The following NAALADL2 variants were observed in gnomAD, a reference collection of about 807,000 sequenced individuals.
NAALADL2 encodes N-acetylated alpha-linked acidic dipeptidase like 2, also known as inactive N-acetylated-alpha-linked acidic dipeptidase-like protein 2.
NAALADL2 carries 76 observed loss-of-function variants against 87.2 expected under a neutral mutation model. The observed-to-expected ratio is 0.87, with a 90% CI of 0.72 to 1.05. The LOEUF is 1.05. Ranked by LOEUF, NAALADL2 falls within the 50% of genes least tolerant of loss-of-function variation. The pLI, the probability that NAALADL2 is intolerant of heterozygous loss-of-function variation, is 0.00. For missense variants in NAALADL2, 1,089 were observed against 945.8 expected, an observed-to-expected ratio of 1.15 and a Z score of -1.99; for synonymous variants, 354 against 331.0, an observed-to-expected ratio of 1.07 and a Z score of -0.75.
chr3:174,541,499 A>G (rs1482662076), intron 1 of NAALADL2, among the ~76,000 whole-genome samples: 3 of 152,226 alleles, frequency 2.0e-5, no homozygotes, highest in African/African-American at 4.8e-5. Flanking sequence ...TATAAGTAAC[A>G]CATATTGAAT....
intron 8 of NAALADL2, among the ~76,000 whole-genome samples, chr3:175,468,859 T>G (rs975425460): frequency 6.6e-6 from 1 of 152,062 alleles, no homozygotes; most frequent in Non-Finnish European, 1.5e-5. Context: ...CGATAGTTTT[T>G]GTCAAAGTAA....
At chr3:175,739,369 G>A (rs950912433) in intron 12 of NAALADL2, among the ~76,000 whole-genome samples, 7 of 152,054 alleles carry the variant, frequency 4.6e-5, no homozygotes, top group Non-Finnish European at 8.8e-5. Flanking sequence ...CATTTCAATT[G>A]TCTGACATAA....
chr3:174,571,127 A>G (rs948578975), intron 2 of NAALADL2, among the ~76,000 whole-genome samples: 1 of 152,152 alleles, frequency 6.6e-6, no homozygotes, highest in African/African-American at 2.4e-5. Flanking sequence ...ACATCTCTGA[A>G]TAGCAAGGAA....
chr3:175,327,561 G>T (rs1363906332), intron 5 of NAALADL2, among the ~76,000 whole-genome samples: 2 of 152,030 alleles, frequency 1.3e-5, no homozygotes, highest in Non-Finnish European at 2.9e-5. Flanking sequence ...GCACACATAC[G>T]TATAGGAGAA....
chr3:174,609,282 C>T (rs147910054), intron 2 of NAALADL2, among the ~76,000 whole-genome samples: 1 of 151,936 alleles, frequency 6.6e-6, no homozygotes, highest in African/African-American at 2.4e-5. Flanking sequence ...CTCACCACTC[C>T]TATTCAACAT....
intron 3 of NAALADL2, among the ~76,000 whole-genome samples, chr3:174,801,676 G>A (rs1311739338): frequency 6.6e-6 from 1 of 151,788 alleles, no homozygotes; most frequent in African/African-American, 2.4e-5. Flanking sequence ...TTCTATTCCT[G>A]GTATTTTGAG....
At chr3:175,610,627 A>C (rs1477534945) in intron 10 of NAALADL2, among the ~76,000 whole-genome samples, 4 of 152,144 alleles carry the variant, frequency 2.6e-5, no homozygotes, top group African/African-American at 7.2e-5. Context: ...TTTTTGAGCC[A>C]TAAAGCCATC....
At chr3:175,132,411 C>A (rs868071122) in intron 2 of NAALADL2, among the ~76,000 whole-genome samples, 1 of 53,314 alleles carries the variant, frequency 1.9e-5, no homozygotes, top group Admixed American at 1.7e-4. Context: ...CTCACCTCCC[C>A]GACGGGTCTG....
intron 3 of NAALADL2, among the ~76,000 whole-genome samples, chr3:174,809,688 AGAT>A (rs1719935603): frequency 6.6e-6 from 1 of 152,142 alleles, no homozygotes; most frequent in Non-Finnish European, 1.5e-5. Flanking sequence ...GATGGTAAAT[AGAT>A]GATATTTAAG....
chr3:174,540,752 A>G (rs984365312), intron 1 of NAALADL2: 3 of 152,200 alleles, frequency 2.0e-5, no homozygotes, highest in African/African-American at 7.2e-5. Context: ...AGGGACTGGG[A>G]CAAAAGCAGT....
intron 2 of NAALADL2, among the ~76,000 whole-genome samples, chr3:174,706,534 T>C (rs1730083845): frequency 1.3e-5 from 2 of 152,334 alleles, no homozygotes; most frequent in South Asian, 4.1e-4. Flanking sequence ...TTCTGGATAT[T>C]AGCCCTTCGT....
chr3:174,981,691 C>A (rs139915679), intron 1 of NAALADL2, among the ~76,000 whole-genome samples: 2 of 152,106 alleles, frequency 1.3e-5, no homozygotes, highest in Non-Finnish European at 2.9e-5. Context: ...CCCAAAATGA[C>A]CATGACTTAA....
intron 1 of NAALADL2, among the ~76,000 whole-genome samples, chr3:174,519,485 C>T (rs1022202844): frequency 6.6e-6 from 1 of 151,934 alleles, no homozygotes; most frequent in African/African-American, 2.4e-5. Context: ...GCATGCGACA[C>T]CACACCCAGC....
At chr3:175,558,388 C>T (rs1715707018) in intron 9 of NAALADL2, among the ~76,000 whole-genome samples, 2 of 150,838 alleles carry the variant, frequency 1.3e-5, no homozygotes, top group Non-Finnish European at 2.9e-5. Context: ...GTTGCCTCAT[C>T]ACTTTGTTGT....
chr3:174,884,800 G>A (rs1204854869), intron 1 of NAALADL2, among the ~76,000 whole-genome samples: 5 of 152,002 alleles, frequency 3.3e-5, no homozygotes, highest in African/African-American at 1.2e-4. Flanking sequence ...AGTTCTTTTC[G>A]AGTATAGCAC....
chr3:174,677,509 C>G (rs138346527), intron 2 of NAALADL2, among the ~76,000 whole-genome samples: 1 of 152,036 alleles, frequency 6.6e-6, no homozygotes, highest in African/African-American at 2.4e-5. Flanking sequence ...TCAATTCTTA[C>G]TATTCACAAT....
chr3:174,505,521 T>C (rs1578043851), intron 1 of NAALADL2, among the ~76,000 whole-genome samples: 1 of 152,102 alleles, frequency 6.6e-6, no homozygotes, highest in African/African-American at 2.4e-5. Flanking sequence ...TCTTAAGACC[T>C]AGCTGAGAAA....
intron 2 of NAALADL2, among the ~76,000 whole-genome samples, chr3:175,165,832 G>T (rs1415607580): frequency 6.6e-6 from 1 of 151,922 alleles, no homozygotes; most frequent in Non-Finnish European, 1.5e-5. Flanking sequence ...GATTCCAGGG[G>T]TGTGCTTAGC....
intron 11 of NAALADL2, among the ~76,000 whole-genome samples, chr3:175,640,720 T>C (rs1029758218): frequency 5.9e-5 from 9 of 152,216 alleles, no homozygotes; most frequent in African/African-American, 2.2e-4. Flanking sequence ...ACACAATCAA[T>C]GTTTGATACA....
Sources: gnomAD v4.1 joint callset for allele counts (sites outside exome capture counted in the v4.1 genomes callset) on GRCh38, gnomAD v4.1.1 for gene constraint, MANE v1.5 for transcripts, NCBI Gene and HGNC (gene_info 2026-07-23, HGNC 2026-07-21) for gene names.